Variants in BMPR2 observed in about 807,000 individuals in gnomAD.
The protein encoded by BMPR2 is bone morphogenetic protein receptor type 2.
BMPR2 carries 29 observed loss-of-function variants against 100.8 expected under a neutral mutation model. That is an observed-to-expected ratio of 0.29 (90% CI 0.21 to 0.39). The LOEUF (loss-of-function observed/expected upper bound fraction) is 0.39. Among genes scored for constraint, BMPR2 ranks in the 10% least tolerant of loss-of-function variants. BMPR2 has a pLI of 1.00. For synonymous variants in BMPR2, 382 were observed against 442.3 expected (o/e 0.86, Z 1.71); for missense variants, 1,011 against 1,274.5 (o/e 0.79, Z 3.15).
chr2:202,458,182 C>T (rs978733353), intron 1 of BMPR2, among the ~76,000 whole-genome samples: 5 of 149,866 alleles, frequency 3.3e-5, no homozygotes, highest in Non-Finnish European at 5.9e-5. Context: ...TACTGTGGCT[C>T]ACTCCTGCAA....
At chr2:202,485,250 CT>C (rs943229139) in intron 3 of BMPR2, among the ~76,000 whole-genome samples, 1 of 151,776 alleles carries the variant, frequency 6.6e-6, no homozygotes, top group Non-Finnish European at 1.5e-5. Context: ...TTACCTGAAA[CT>C]TTTTTTTGTA....
At chr2:202,400,743 C>G (rs533108764) in intron 1 of BMPR2, among the ~76,000 whole-genome samples, 35 of 152,198 alleles carry the variant, frequency 2.3e-4, no homozygotes, top group African/African-American at 7.2e-4. Flanking sequence ...CTGATTAGTG[C>G]ATAGTTTTAA....
chr2:202,531,492 T>C (rs1688026753), intron 8 of BMPR2, among the ~76,000 whole-genome samples: 1 of 152,212 alleles, frequency 6.6e-6, no homozygotes, highest in South Asian at 2.1e-4. Flanking sequence ...AGGGTAAAGT[T>C]ACCAAGTTTA....
chr2:202,381,418 A>G (rs530913209), intron 1 of BMPR2, among the ~76,000 whole-genome samples: 4 of 152,298 alleles, frequency 2.6e-5, no homozygotes, highest in South Asian at 2.1e-4. Flanking sequence ...AGTAACATCT[A>G]TCTGGGGGAG....
chr2:202,446,880 G>A (rs1015655880), intron 1 of BMPR2, among the ~76,000 whole-genome samples: 3 of 148,086 alleles, frequency 2.0e-5, no homozygotes, highest in Admixed American at 2.0e-4. Context: ...TCAAACTCCC[G>A]ACCTCAGGAT....
chr2:202,392,816 A>T (rs1006350068), intron 1 of BMPR2, among the ~76,000 whole-genome samples: 1 of 151,856 alleles, frequency 6.6e-6, no homozygotes, highest in African/African-American at 2.4e-5. Context: ...AACATGGAGA[A>T]ACCCCGTCTC....
intron 10 of BMPR2, among the ~76,000 whole-genome samples, chr2:202,546,192 G>A (rs1688372407): frequency 6.6e-6 from 1 of 152,122 alleles, no homozygotes; most frequent in South Asian, 2.1e-4. Context: ...CTGCTTCTCT[G>A]CAGTGACAAT....
chr2:202,460,554 G>A (rs1692206152), intron 1 of BMPR2, among the ~76,000 whole-genome samples: 1 of 152,036 alleles, frequency 6.6e-6, no homozygotes. Context: ...AGTGCTAAAG[G>A]AAGTAAAGAA....
At chr2:202,412,344 A>T (rs1691030346) in intron 1 of BMPR2, among the ~76,000 whole-genome samples, 1 of 152,180 alleles carries the variant, frequency 6.6e-6, no homozygotes, top group Non-Finnish European at 1.5e-5. Flanking sequence ...TTTGAGATGG[A>T]GTCTCACTCT....
intron 9 of BMPR2, among the ~76,000 whole-genome samples, chr2:202,541,361 T>TCA (rs1688268885): frequency 1.3e-5 from 2 of 151,178 alleles, no homozygotes; most frequent in African/African-American, 4.9e-5. Flanking sequence ...GTGCAGGAGT[T>TCA]CAAGTTACAG....
chr2:202,481,181 C>T (rs1487300789), intron 3 of BMPR2, among the ~76,000 whole-genome samples: 1 of 151,856 alleles, frequency 6.6e-6, no homozygotes, highest in East Asian at 1.9e-4. Context: ...CTCTTCTCTT[C>T]TCTTCTCTTC....
In BMPR2 at chr2:202,377,673, AGCTGCGACCCGGTGCCTGC is replaced by A. The variant is rs1389328696; in HGVS notation, c.76+126_76+144del. ...CGTCCCCCCGATCGCGGTGCAGCGGAGCTGCGACCCGGTGCCTGCGCGCCTGCCCCATGCCTTCCAGGGA... is the reference window on the plus strand; with the variant it reads ...CGTCCCCCCGATCGCGGTGCAGCGGAGCGCCTGCCCCATGCCTTCCAGGGA... On this transcript the variant is annotated intron_variant, in intron 1 of 12. Coordinates refer to ENST00000374580, the MANE Select transcript of BMPR2 (RefSeq NM_001204.7). 53 of 1,174,084 alleles carry A rather than the reference AGCTGCGACCCGGTGCCTGC, an allele frequency of 4.5e-5. No individual in the cohort carries two copies. In the East Asian group the frequency reaches 1.3e-3, roughly 28 times the overall value. 72.7% of individuals were successfully genotyped at this position (1,174,084 alleles called of 1,614,324 possible).
At chr2:202,418,322 C>T (rs1181419313) in intron 1 of BMPR2, among the ~76,000 whole-genome samples, 12 of 152,226 alleles carry the variant, frequency 7.9e-5, no homozygotes, top group Admixed American at 7.9e-4. Context: ...GATTAAAAAT[C>T]TCTTTTTAGA....
At chr2:202,550,472 C>G (rs1349969992) in intron 10 of BMPR2, among the ~76,000 whole-genome samples, 1 of 152,034 alleles carries the variant, frequency 6.6e-6, no homozygotes, top group Non-Finnish European at 1.5e-5. Flanking sequence ...CCCACTGCAG[C>G]CTTCCAAAGT....
At chr2:202,543,542 TATATG>T (rs1274525893) in intron 10 of BMPR2, among the ~76,000 whole-genome samples, 1 of 151,866 alleles carries the variant, frequency 6.6e-6, no homozygotes, top group Admixed American at 6.6e-5. Context: ...TATTGGATGA[TATATG>T]ATAATTATTG....
rs1471668248 is a variant in BMPR2, at chr2:202,565,821, CTGATT to C, written c.*5877_*5881del. On this transcript the variant is annotated 3_prime_UTR_variant, in exon 13 of 13. Transcript: ENST00000374580. Reference sequence around the variant, plus strand: ...CAACTTTCATTTAACTTTTAGGTGACTGATTTAAGTTGAGTGTGCATATAGAGAAA... The same window carrying C: ...CAACTTTCATTTAACTTTTAGGTGACTAAGTTGAGTGTGCATATAGAGAAA... 1.3e-5 allele frequency: 2 copies of C among 152,272 alleles called. No individual in the cohort carries two copies. Among genetic ancestry groups the C allele is most frequent in the East Asian group, 3.9e-4 (2 of 5,186 alleles). 9.4% of individuals were successfully genotyped at this position (152,272 alleles called of 1,614,324 possible).
At chr2:202,422,150 G>T (rs978885101) in intron 1 of BMPR2, among the ~76,000 whole-genome samples, 4 of 152,088 alleles carry the variant, frequency 2.6e-5, no homozygotes, top group Non-Finnish European at 4.4e-5. Flanking sequence ...TTCGTGATCT[G>T]CCCGCGTCGG....
intron 5 of BMPR2, among the ~76,000 whole-genome samples, chr2:202,516,481 C>G (rs1412187317): frequency 1.3e-5 from 2 of 152,122 alleles, no homozygotes; most frequent in African/African-American, 2.4e-5. Flanking sequence ...CAAGACAAGT[C>G]ATGGGCAACA....
At chr2:202,556,674 C>A in intron 12 of BMPR2, 143 bp downstream of exon 12, 1 of 1,091,768 alleles carries the variant, frequency 9.2e-7, no homozygotes, top group Non-Finnish European at 1.3e-6. Flanking sequence ...AGGCGGGGCA[C>A]AGTGGCTCAC....
Sources: allele counts gnomAD v4.1 joint callset (sites outside exome capture counted in the v4.1 genomes callset), GRCh38; gene constraint gnomAD v4.1.1; transcripts MANE v1.5; gene names NCBI Gene and HGNC (gene_info 2026-07-23, HGNC 2026-07-21).